Variants in GALNTL6 observed in about 807,000 individuals in gnomAD.
GALNTL6 encodes polypeptide N-acetylgalactosaminyltransferase like 6.
A neutral mutation model predicts 73.7 loss-of-function variants in GALNTL6; 46 were observed. The ratio of observed to expected loss-of-function variants is 0.62; its 90% confidence interval spans 0.49 to 0.80. GALNTL6 has a LOEUF of 0.80. Ranked by LOEUF, GALNTL6 falls within the 30% of genes least tolerant of loss-of-function variation. GALNTL6 has a pLI of 0.00. For synonymous variants in GALNTL6, 259 were observed against 263.7 expected (o/e 0.98, Z 0.17); for missense variants, 604 against 755.0 (o/e 0.80, Z 2.34).
At chr4:172,366,123 C>T (rs563127919) in intron 5 of GALNTL6, among the ~76,000 whole-genome samples, 1 of 152,164 alleles carries the variant, frequency 6.6e-6, no homozygotes, top group Admixed American at 6.5e-5. Flanking sequence ...TTCTGTATTA[C>T]TAAAGATAAT....
intron 5 of GALNTL6, among the ~76,000 whole-genome samples, chr4:172,771,092 A>G (rs1738735577): frequency 6.6e-6 from 1 of 152,230 alleles, no homozygotes; most frequent in South Asian, 2.1e-4. Context: ...CAATTCAAAT[A>G]TATGCATTTC....
rs141202794 is a variant in GALNTL6, at chr4:172,672,872, C to T, written c.554-136489C>T. On this transcript the variant is annotated intron_variant, in intron 5 of 12. Coordinates refer to ENST00000506823, the MANE Select transcript of GALNTL6 (RefSeq NM_001034845.3). ...TTTCTGTGGGGTCATTGGTAATATCCGCCTCATCATTTCTAATTGTGTTTA... is the reference window on the plus strand; with the variant it reads ...TTTCTGTGGGGTCATTGGTAATATCTGCCTCATCATTTCTAATTGTGTTTA... Among the ~76,000 whole-genome samples the T allele has an allele frequency of 1.7e-3, 252 of 144,994 alleles. 4 individuals carry two copies. In the East Asian group the frequency reaches 0.043, roughly 25 times the overall value.
chr4:172,736,514 TACAA>T lies in GALNTL6; in HGVS notation c.554-72842_554-72839del, dbSNP rs551319419. Among the ~76,000 whole-genome samples the T allele has an allele frequency of 1.7e-3, 264 of 152,340 alleles. 1 individual carries two copies. Among genetic ancestry groups the T allele is most frequent in the African/African-American group, 6.2e-3 (257 of 41,578 alleles). Reference sequence around the variant, plus strand: ...TTTCACATTGTTAACACACATGCTTTACAAACAATTTGTGCAGATAACGCAATCA... The same window carrying T: ...TTTCACATTGTTAACACACATGCTTTACAATTTGTGCAGATAACGCAATCA... On this transcript the variant is annotated intron_variant, in intron 5 of 12. Transcript: ENST00000506823.
At chr4:172,432,324 G>A (rs1731485630) in intron 5 of GALNTL6, among the ~76,000 whole-genome samples, 1 of 151,674 alleles carries the variant, frequency 6.6e-6, no homozygotes, top group Admixed American at 6.6e-5. Flanking sequence ...CTGGTCTGCA[G>A]TCCCTTGCTC....
chr4:172,201,612 T>G (rs768167202), intron 2 of GALNTL6, among the ~76,000 whole-genome samples: 4 of 152,100 alleles, frequency 2.6e-5, no homozygotes, highest in Non-Finnish European at 5.9e-5. Flanking sequence ...ACAGATAAAC[T>G]GTTTAATTTT....
chr4:173,035,177 G>T (rs1753637204), intron 12 of GALNTL6, among the ~76,000 whole-genome samples: 1 of 138,610 alleles, frequency 7.2e-6, no homozygotes, highest in Non-Finnish European at 1.5e-5. Flanking sequence ...CATGTGCCAT[G>T]CTCTTTTTTT....
intron 2 of GALNTL6, among the ~76,000 whole-genome samples, chr4:172,038,197 A>T (rs901208910): frequency 6.6e-6 from 1 of 151,536 alleles, no homozygotes; most frequent in Admixed American, 6.6e-5. Flanking sequence ...TGCAAATTCT[A>T]TGCATCTCCC....
At chr4:172,152,599 GA>G (rs1734134700) in intron 2 of GALNTL6, among the ~76,000 whole-genome samples, 1 of 152,178 alleles carries the variant, frequency 6.6e-6, no homozygotes, top group Non-Finnish European at 1.5e-5. Flanking sequence ...AGAAGTTTCA[GA>G]AATGCAATTT....
intron 8 of GALNTL6, among the ~76,000 whole-genome samples, chr4:172,890,422 G>C (rs918865408): frequency 3.3e-5 from 5 of 151,988 alleles, no homozygotes; most frequent in Non-Finnish European, 5.9e-5. Flanking sequence ...CAGAGATTTT[G>C]ATATGTTCTG....
chr4:172,198,002 T>C (rs560390250), intron 2 of GALNTL6, among the ~76,000 whole-genome samples: 1 of 152,102 alleles, frequency 6.6e-6, no homozygotes, highest in South Asian at 2.1e-4. Context: ...TCCCAGCTAC[T>C]CGGGAGGCTG....
chr4:172,951,590 G>C (rs570587909), intron 9 of GALNTL6, among the ~76,000 whole-genome samples: 1 of 152,348 alleles, frequency 6.6e-6, no homozygotes, highest in South Asian at 2.1e-4. Flanking sequence ...TGGGGGAAAA[G>C]AATAATAGCT....
chr4:172,351,181 G>GTCTGTCTATCTATCTATCTA (rs139731159), intron 5 of GALNTL6, among the ~76,000 whole-genome samples: 116 of 122,606 alleles, frequency 9.5e-4, no homozygotes, highest in African/African-American at 9.9e-4. Flanking sequence ...ACAATAATCT[G>GTCTGTCTATCTATCTATCTA]TCTATCTATC....
At chr4:172,325,930 A>C (rs1375332633) in intron 4 of GALNTL6, among the ~76,000 whole-genome samples, 1 of 151,876 alleles carries the variant, frequency 6.6e-6, no homozygotes, top group Non-Finnish European at 1.5e-5. Flanking sequence ...CATGTGCACT[A>C]TGAAATATTT....
chr4:172,899,849 T>C (rs575238827), intron 8 of GALNTL6, among the ~76,000 whole-genome samples: 24 of 152,316 alleles, frequency 1.6e-4, no homozygotes, highest in Admixed American at 3.9e-4. Flanking sequence ...TAGGGTAACT[T>C]CCTACCGTTG....
intron 5 of GALNTL6, among the ~76,000 whole-genome samples, chr4:172,484,598 T>A (rs1349416769): frequency 1.3e-5 from 2 of 152,178 alleles, no homozygotes; most frequent in African/African-American, 4.8e-5. Context: ...TGACTCAGCA[T>A]TGATTTTATG....
At position 172,369,094 on chromosome 4, in the gene GALNTL6, C is replaced by A. The variant is rs561203569; in HGVS notation, c.553+20405C>A. Among the ~76,000 whole-genome samples, 15 of 152,284 alleles carry A rather than the reference C, an allele frequency of 9.9e-5. No homozygotes were observed. The South Asian group carries it at 2.5e-3, about 25-fold the overall frequency. Reference sequence around the variant, plus strand: ...TCTTATTCCCTTATGTGCCCCCCCCCACATCCTGCTGATTGGTCCATTCTA... The same window carrying A: ...TCTTATTCCCTTATGTGCCCCCCCCAACATCCTGCTGATTGGTCCATTCTA... On this transcript the variant is annotated intron_variant, in intron 5 of 12. Coordinates refer to ENST00000506823, the MANE Select transcript of GALNTL6 (RefSeq NM_001034845.3).
chr4:172,632,330 G>A (rs535007413), intron 5 of GALNTL6, among the ~76,000 whole-genome samples: 13 of 152,290 alleles, frequency 8.5e-5, no homozygotes, highest in South Asian at 2.1e-4. Flanking sequence ...AGTTTGGAAC[G>A]TCCTAGAGAC....
At chr4:172,244,745 A>G (rs1737563239) in intron 3 of GALNTL6, among the ~76,000 whole-genome samples, 1 of 152,180 alleles carries the variant, frequency 6.6e-6, no homozygotes, top group Admixed American at 6.6e-5. Flanking sequence ...CACAATCTCA[A>G]AAATTTTTCA....
At chr4:172,083,949 T>C (rs1277760254) in intron 2 of GALNTL6, among the ~76,000 whole-genome samples, 1 of 152,170 alleles carries the variant, frequency 6.6e-6, no homozygotes, top group African/African-American at 2.4e-5. Context: ...TGTTAAGCTA[T>C]CTGTAAGAAC....
Sources: allele counts gnomAD v4.1 joint callset (sites outside exome capture counted in the v4.1 genomes callset), GRCh38; gene constraint gnomAD v4.1.1; transcripts MANE v1.5; gene names NCBI Gene and HGNC (gene_info 2026-07-23, HGNC 2026-07-21).